The following CTNND1 variants were observed in gnomAD, a reference collection of about 807,000 sequenced individuals.
CTNND1 encodes the protein catenin delta 1, also known as catenin delta-1.
In CTNND1, 16 loss-of-function variants were observed where a neutral mutation model predicts 112.1. That is an observed-to-expected ratio of 0.14 (90% CI 0.10 to 0.22). The LOEUF (loss-of-function observed/expected upper bound fraction) is 0.22. Ranked by LOEUF, CTNND1 falls within the 10% of genes least tolerant of loss-of-function variation. The pLI is 1.00. For synonymous variants in CTNND1, 420 were observed against 446.5 expected (o/e 0.94, Z 0.75); for missense variants, 1,008 against 1,257.0 (o/e 0.80, Z 3.00).
chr11:57,781,310 C>T (rs1555043814), intron 1 of CTNND1, among the ~76,000 whole-genome samples: 1 of 152,090 alleles, frequency 6.6e-6, no homozygotes, highest in Non-Finnish European at 1.5e-5. Flanking sequence ...TAAGGTTAAG[C>T]TTTTCCATGA....
chr11:57,814,069 C>G (rs1328212703), intron 17 of CTNND1: 3 of 457,804 alleles, frequency 6.6e-6, no homozygotes, highest in Non-Finnish European at 1.2e-5. Context: ...AATCCCAGTA[C>G]TTTGGGAGAC....
At chr11:57,799,378 A>G (rs483030) in intron 6 of CTNND1, among the ~76,000 whole-genome samples, 43,038 of 152,078 alleles carry the variant, frequency 0.28, 7,126 homozygotes, top group East Asian at 0.79. Flanking sequence ...TGCCATCCCT[A>G]GTTGTGCTAG....
At chr11:57,809,589 C>T (rs1408364936) in intron 15 of CTNND1, 123 bp downstream of exon 15, 1 of 787,772 alleles carries the variant, frequency 1.3e-6, no homozygotes, top group Non-Finnish European at 2.0e-6. Flanking sequence ...AGAGCTATTG[C>T]TCTATTATCT....
chr11:57,765,682 G>A (rs1950888575), intron 1 of CTNND1, among the ~76,000 whole-genome samples: 1 of 151,780 alleles, frequency 6.6e-6, no homozygotes, highest in Admixed American at 6.6e-5. Context: ...AGTCCAGGCT[G>A]GTCTCAAACA....
chr11:57,795,564 C>G lies in CTNND1; in HGVS notation c.268-13C>G. On this transcript the variant is annotated splice_polypyrimidine_tract_variant and intron_variant, in intron 4 of 20. Transcript: ENST00000399050. ...TTAATAGTAGTTTCTTCTCTTTTCT[C>G]TTTTGCATATAGGATCACAGTCACC... The G allele has an allele frequency of 2.5e-6, 4 of 1,603,944 alleles. No individual in the cohort carries two copies. Among genetic ancestry groups the G allele is most frequent in the Non-Finnish European group, 3.4e-6 (4 of 1,176,262 alleles).
intron 1 of CTNND1, among the ~76,000 whole-genome samples, chr11:57,786,914 C>A (rs944442837): frequency 6.6e-6 from 1 of 152,140 alleles, no homozygotes; most frequent in Non-Finnish European, 1.5e-5. Flanking sequence ...AGGCTCTGGA[C>A]CATCCATCTG....
At chr11:57,793,585 C>T (rs2061005529) in intron 3 of CTNND1, among the ~76,000 whole-genome samples, 1 of 152,134 alleles carries the variant, frequency 6.6e-6, no homozygotes, top group Non-Finnish European at 1.5e-5. Flanking sequence ...TGGAAACCCC[C>T]CAACTTAGCC....
chr11:57,789,624 G>A (rs2060477253), intron 2 of CTNND1, among the ~76,000 whole-genome samples: 1 of 152,134 alleles, frequency 6.6e-6, no homozygotes, highest in Non-Finnish European at 1.5e-5. Context: ...GAAGAATTGT[G>A]TTGGGCCATA....
intron 3 of CTNND1, among the ~76,000 whole-genome samples, chr11:57,791,903 T>C (rs1263921891): frequency 6.6e-6 from 1 of 152,184 alleles, no homozygotes. Context: ...ACTTCCTGTT[T>C]TGCTGGAGTA....
Position 57,804,760 on chromosome 11 carries a change from C to CAGA in CTNND1, c.1705_1707dup (p.Lys569dup). The CAGA allele has an allele frequency of 6.2e-7, 1 of 1,613,494 alleles. No homozygotes were observed. The highest frequency in any genetic ancestry group is 2.2e-5 in the East Asian group (1 of 44,882). On this transcript the variant is annotated inframe_insertion, in exon 9 of 21. Coordinates refer to ENST00000399050, the MANE Select transcript of CTNND1 (RefSeq NM_001085458.2). ...TTTCATTGTTCAGGCTGAGATTGGG[C>CAGA]AGAAGGATTCAGACAGCAAGGTAAG...
chr11:57,787,943 G>T (rs769916101), intron 1 of CTNND1, among the ~76,000 whole-genome samples: 1 of 152,234 alleles, frequency 6.6e-6, no homozygotes, highest in African/African-American at 2.4e-5. Flanking sequence ...AATTTAAGTT[G>T]CAGGGCCATT....
intron 17 of CTNND1, among the ~76,000 whole-genome samples, chr11:57,813,533 A>T (rs1191777637): frequency 1.3e-5 from 2 of 152,228 alleles, no homozygotes; most frequent in Non-Finnish European, 1.5e-5. Flanking sequence ...GGACCAATGG[A>T]TTTTAACTAA....
In CTNND1 at chr11:57,795,631, A is replaced by T. The variant is rs147401852; in HGVS notation, c.322A>T (p.Ile108Phe). ...CCCCAGGATGCAGGAGCCGGGGCAGATTGTGGAGACCTACACGGAGGAGGA... is the reference window on the plus strand; with the variant it reads ...CCCCAGGATGCAGGAGCCGGGGCAGTTTGTGGAGACCTACACGGAGGAGGA... ...TIPRMQEPGQ[I>F]VETYTEEDPE... Residue 108 changes from isoleucine (I) to phenylalanine (F), a missense_variant, in exon 5 of 21, where the codon ATT becomes TTT. Transcript: ENST00000399050. The T allele has an allele frequency of 9.2e-5, 148 of 1,611,428 alleles. No individual in the cohort carries two copies. The African/African-American group carries it at 1.7e-3, about 18-fold the overall frequency.
chr11:57,798,070 T>C (rs1360939935), intron 6 of CTNND1, among the ~76,000 whole-genome samples: 1 of 151,670 alleles, frequency 6.6e-6, no homozygotes, highest in African/African-American at 2.4e-5. Context: ...CAGAGTCCAT[T>C]GGGCACGGTG....
chr11:57,766,050 C>T (rs936029342), intron 1 of CTNND1, among the ~76,000 whole-genome samples: 6 of 151,976 alleles, frequency 3.9e-5, no homozygotes, highest in African/African-American at 1.5e-4. Flanking sequence ...TGCAGCAAGC[C>T]GAGATCATGC....
At position 57,814,346 on chromosome 11, in the gene CTNND1, A is replaced by G. The variant is rs181230846; in HGVS notation, c.2674A>G (p.Asn892Asp). Residue 892 changes from asparagine (N) to aspartate (D), a missense_variant, in exon 18 of 21, where the codon AAT becomes GAT. Around this residue, in one of 5 missense-constraint regions of CTNND1, gnomAD observed 106 missense variants for 116.2 expected, o/e 0.91. Transcript: ENST00000399050. ...TGATCGGGAAGAAATTCAGATGAGC[A>G]ATATGGGATCAAACACAAAATCACT... ...KPDREEIQMS[N>D]MGSNTKSLDN... 1.7e-4 allele frequency: 267 copies of G among 1,611,996 alleles called. 1 individual carries two copies. In the East Asian group the frequency reaches 2.7e-3, roughly 16 times the overall value.
chr11:57,806,224 GTGT>G (rs1188814427), intron 10 of CTNND1, among the ~76,000 whole-genome samples, 189 bp downstream of exon 10: 4 of 61,456 alleles, frequency 6.5e-5, no homozygotes, highest in Admixed American at 2.4e-4. Flanking sequence ...TGGTTGTGAT[GTGT>G]TGGTGGTGGT....
intron 3 of CTNND1, among the ~76,000 whole-genome samples, chr11:57,793,685 G>A (rs1188155953): frequency 1.3e-5 from 2 of 152,198 alleles, no homozygotes; most frequent in Non-Finnish European, 2.9e-5. Context: ...TCAGCAAATA[G>A]TTTTTGAGCA....
Position 57,816,923 on chromosome 11 carries a change from T to C in CTNND1, c.*615T>C, listed in dbSNP as rs1017478695. On this transcript the variant is annotated 3_prime_UTR_variant, in exon 21 of 21. Coordinates refer to ENST00000399050, the MANE Select transcript of CTNND1 (RefSeq NM_001085458.2). Reference sequence around the variant, plus strand: ...TCCTAAAACTGGGATTAAGAAACCTTGCTCTCCTCATCTCCAAGGCAGGGA... The same window carrying C: ...TCCTAAAACTGGGATTAAGAAACCTCGCTCTCCTCATCTCCAAGGCAGGGA... 1 of 154,392 alleles carries C rather than the reference T, an allele frequency of 6.5e-6. No homozygotes were observed. Among genetic ancestry groups the C allele is most frequent in the Non-Finnish European group, 1.4e-5 (1 of 69,384 alleles). 9.6% of individuals were successfully genotyped at this position (154,392 alleles called of 1,614,324 possible). A position where few individuals can be genotyped will look rare whatever the true frequency, so the allele number is the denominator to read the frequency against.
Sources: allele counts gnomAD v4.1 joint callset (sites outside exome capture counted in the v4.1 genomes callset), GRCh38; gene constraint gnomAD v4.1.1; regional missense constraint gnomAD v4.1.1; transcripts MANE v1.5; gene names NCBI Gene and HGNC (gene_info 2026-07-23, HGNC 2026-07-21).